PEX5: variants seen among roughly 807,000 people sequenced by gnomAD.
PEX5 encodes the protein peroxisomal biogenesis factor 5.
Under a neutral mutation model 82.9 loss-of-function variants are expected in PEX5, and 52 were observed. The observed-to-expected ratio is 0.63, with a 90% CI of 0.50 to 0.79. The LOEUF is 0.79. Among genes scored for constraint, PEX5 ranks in the 30% least tolerant of loss-of-function variants. PEX5 has a pLI of 0.00. For synonymous variants in PEX5, 300 were observed against 318.8 expected, an observed-to-expected ratio of 0.94 and a Z score of 0.63; for missense variants, 719 against 815.2, an observed-to-expected ratio of 0.88 and a Z score of 1.44.
Position 7,189,756 on chromosome 12 carries a change from C to A in PEX5, c.-17+6C>A. 2.2e-6 allele frequency: 1 copy of A among 454,346 alleles called. No homozygotes were observed. The highest frequency in any genetic ancestry group is 3.5e-6 in the Non-Finnish European group (1 of 282,008). 28.1% of individuals were successfully genotyped at this position (454,346 alleles called of 1,614,324 possible). ...GTGCGGCGCGGCGCTCCGCGGTGAG[C>A]GCCTGACCCCGAGGGGGCCCGGGGC... is the stretch of plus-strand genomic sequence containing the variant. On this transcript the variant is annotated splice_donor_region_variant and intron_variant, in intron 1 of 15. Coordinates refer to ENST00000675855, the MANE Select transcript of PEX5 (RefSeq NM_001351132.2).
chr12:7,191,025 C>G, intron 3 of PEX5, 102 bp downstream of exon 3: 4 of 1,261,042 alleles, frequency 3.2e-6, no homozygotes, highest in Non-Finnish European at 4.7e-6. Context: ...GCTTTCCTGA[C>G]CGAATGAGAA....
chr12:7,212,946 G>C (rs1310667741), downstream of PEX5: 1 of 152,170 alleles, frequency 6.6e-6, no homozygotes, highest in Admixed American at 6.6e-5. Flanking sequence ...CATAGGTGCA[G>C]GACATGACAA....
chr12:7,201,199 A>G (rs1017275470), intron 6 of PEX5, among the ~76,000 whole-genome samples: 2 of 149,278 alleles, frequency 1.3e-5, no homozygotes, highest in Admixed American at 6.6e-5. Flanking sequence ...ATACATACAC[A>G]TACATGTGCA....
At chr12:7,194,351 C>T (rs1941722896) in intron 5 of PEX5, among the ~76,000 whole-genome samples, 1 of 152,094 alleles carries the variant, frequency 6.6e-6, no homozygotes, top group South Asian at 2.1e-4. Context: ...TCTGTATACC[C>T]TTCACCCAGT....
At chr12:7,202,792 T>C in intron 9 of PEX5, 88 bp downstream of exon 9, 1 of 943,654 alleles carries the variant, frequency 1.1e-6, no homozygotes. Context: ...ATGATGCAAA[T>C]TGTATTTCAT....
chr12:7,214,726 AT>A (rs1205514217), downstream of PEX5, among the ~76,000 whole-genome samples: 15 of 136,248 alleles, frequency 1.1e-4, no homozygotes, highest in African/African-American at 3.9e-4. Context: ...TAATAATAAA[AT>A]AAAAAAAGAA....
chr12:7,201,459 C>T (rs941474134), intron 6 of PEX5, among the ~76,000 whole-genome samples: 1 of 152,072 alleles, frequency 6.6e-6, no homozygotes, highest in African/African-American at 2.4e-5. Flanking sequence ...ACGTTCATAA[C>T]TTCATCTTAA....
intron 6 of PEX5, among the ~76,000 whole-genome samples, chr12:7,200,888 G>A (rs934922712): frequency 4.6e-5 from 7 of 150,952 alleles, no homozygotes; most frequent in Non-Finnish European, 7.4e-5. Context: ...TGGAAAGAGA[G>A]GGGGAGAGAG....
At chr12:7,206,984 TCTTCTCTA>T (rs1437698001) in intron 10 of PEX5, among the ~76,000 whole-genome samples, 1 of 152,206 alleles carries the variant, frequency 6.6e-6, no homozygotes, top group East Asian at 1.9e-4. Flanking sequence ...GTATCGTAAC[TCTTCTCTA>T]AAGTGAGAAA....
chr12:7,213,650 C>T (rs1945691014), downstream of PEX5, among the ~76,000 whole-genome samples: 1 of 149,066 alleles, frequency 6.7e-6, no homozygotes, highest in African/African-American at 2.5e-5. Context: ...CATTACCATT[C>T]AGGACATAGG....
chr12:7,209,323 C>T (rs561604977), intron 14 of PEX5, among the ~76,000 whole-genome samples, 153 bp downstream of exon 14: 1 of 152,120 alleles, frequency 6.6e-6, no homozygotes, highest in Non-Finnish European at 1.5e-5. Context: ...AGTTCAAATC[C>T]AGCCTGGGCA....
rs115760878 is a variant in PEX5, at chr12:7,209,023, G to A, written c.1413G>A (p.Val471=). ...CATCCAGCTCCCTGTTTCTTGAAGT[G>A]AAAGAGCTCTTCCTGGCAGCTGTGC... ...SLLSDSLFLE[V]KELFLAAVRL... Residue 471 remains valine, a synonymous_variant, in exon 14 of 16, where the codon GTG becomes GTA. Transcript: ENST00000675855. The A allele has an allele frequency of 3.7e-6, 6 of 1,614,014 alleles. No homozygotes were observed. The African/African-American group carries it at 4.0e-5, about 11-fold the overall frequency.
At chr12:7,209,304 G>C in intron 14 of PEX5, 134 bp downstream of exon 14, 1 of 880,354 alleles carries the variant, frequency 1.1e-6, no homozygotes, top group Non-Finnish European at 1.8e-6. Flanking sequence ...AGGATCACTT[G>C]AGCCTGGGAG....
chr12:7,189,838 C>T (rs537003772), intron 1 of PEX5, 88 bp downstream of exon 1: 2 of 1,166,580 alleles, frequency 1.7e-6, no homozygotes, highest in South Asian at 2.1e-5. Flanking sequence ...AGGGGCGGGG[C>T]TGGAGCGGCA....
At chr12:7,206,780 C>A (rs1032846174) in intron 10 of PEX5, among the ~76,000 whole-genome samples, 6 of 152,156 alleles carry the variant, frequency 3.9e-5, no homozygotes, top group African/African-American at 1.4e-4. Flanking sequence ...TTCTTAACTG[C>A]ATTTAGAAAG....
intron 11 of PEX5, 65 bp downstream of exon 11, chr12:7,207,867 A>T: frequency 6.3e-7 from 1 of 1,588,840 alleles, no homozygotes. Context: ...AAAGGCCCCA[A>T]GGAGAGTAGT....
downstream of PEX5, among the ~76,000 whole-genome samples, chr12:7,211,955 ATTTTTTTTTTTTTGTTTTT>A (rs1945609092): frequency 5.8e-5 from 1 of 17,214 alleles, no homozygotes; most frequent in Non-Finnish European, 3.2e-4. Flanking sequence ...TGGAAAAAAA[ATTTTTTTTTTTTTGTTTTT>A]TTTTTTTTAA....
In PEX5 at chr12:7,191,666, T is replaced by A. The variant is rs1415229787; in HGVS notation, c.414T>A (p.Thr138=). ...ATGTAACTCAGGATTATAATGAGAC[T>A]GACTGGTCCCAAGAATTCATCTCTG... ...AVDVTQDYNE[T]DWSQEFISEV... Residue 138 remains threonine (T), a synonymous_variant, in exon 5 of 16, where the codon ACT becomes ACA. Coordinates refer to ENST00000675855, the MANE Select transcript of PEX5 (RefSeq NM_001351132.2). 1 of 1,613,818 alleles carries A rather than the reference T, an allele frequency of 6.2e-7. No homozygotes were observed.
chr12:7,213,806 A>G (rs1945698220), downstream of PEX5, among the ~76,000 whole-genome samples: 1 of 150,754 alleles, frequency 6.6e-6, no homozygotes, highest in Non-Finnish European at 1.5e-5. Flanking sequence ...AAAATGGGAG[A>G]AAATTTTCGC....
Sources: gnomAD v4.1 joint callset for allele counts (sites outside exome capture counted in the v4.1 genomes callset) on GRCh38, gnomAD v4.1.1 for gene constraint, MANE v1.5 for transcripts, NCBI Gene and HGNC (gene_info 2026-07-23, HGNC 2026-07-21) for gene names.